NTAQ1: variants seen among roughly 807,000 people sequenced by gnomAD.
NTAQ1 encodes N-terminal glutamine amidase 1.
NTAQ1 carries 21 observed loss-of-function variants against 28.2 expected under a neutral mutation model. The ratio of observed to expected loss-of-function variants is 0.74; its 90% confidence interval spans 0.53 to 1.07. The LOEUF (loss-of-function observed/expected upper bound fraction) is 1.07, where lower values mean the gene tolerates loss of function less well. NTAQ1 is among the 50% of genes least tolerant of loss of function. NTAQ1 has a pLI of 0.00. For missense variants in NTAQ1, 264 were observed against 256.6 expected (o/e 1.03, Z -0.20); for synonymous variants, 105 against 90.0 (o/e 1.17, Z -0.94).
chr8:123,446,893 G>A (rs1010654359), downstream of NTAQ1, among the ~76,000 whole-genome samples: 5 of 152,142 alleles, frequency 3.3e-5, no homozygotes, highest in Non-Finnish European at 7.4e-5. Flanking sequence ...CTGGTTCCAT[G>A]TTGAAAGTAA....
At chr8:123,427,393 C>T (rs1403136613) in intron 1 of NTAQ1, among the ~76,000 whole-genome samples, 1 of 151,628 alleles carries the variant, frequency 6.6e-6, no homozygotes, top group Non-Finnish European at 1.5e-5. Flanking sequence ...GCCGGGATTA[C>T]AGGCACCCGC....
chr8:123,473,843 G>T (rs1348304366), downstream of NTAQ1, among the ~76,000 whole-genome samples: 2 of 151,986 alleles, frequency 1.3e-5, no homozygotes, highest in Non-Finnish European at 2.9e-5. Context: ...TAATTGTGAA[G>T]GTTAAAGGAA....
chr8:123,470,910 C>T (rs1816033949), downstream of NTAQ1, among the ~76,000 whole-genome samples: 1 of 150,346 alleles, frequency 6.7e-6, no homozygotes, highest in South Asian at 2.1e-4. Context: ...GTTTCTCCTT[C>T]CTTTTTTCTT....
intron 1 of NTAQ1, 90 bp from the exon 2 acceptor site, chr8:123,427,834 A>C: frequency 8.9e-7 from 1 of 1,119,500 alleles, no homozygotes; most frequent in Non-Finnish European, 1.3e-6. Flanking sequence ...GTCTTTTCCA[A>C]CTTTTTGATG....
At chr8:123,454,188 C>T (rs977820610) in intron 6 of NTAQ1, among the ~76,000 whole-genome samples, 11 of 152,198 alleles carry the variant, frequency 7.2e-5, no homozygotes, top group African/African-American at 2.7e-4. Flanking sequence ...GTTTAGTAAG[C>T]ATCCCAGTCA....
intron 6 of NTAQ1, chr8:123,447,904 A>G (rs1342701548): frequency 2.0e-5 from 3 of 152,242 alleles, no homozygotes; most frequent in Non-Finnish European, 4.4e-5. Context: ...CTGCTCTGCC[A>G]TGGACTACAT....
chr8:123,468,479 A>C (rs1344213411), exon 7 of NTAQ1, among the ~76,000 whole-genome samples: 4 of 152,300 alleles, frequency 2.6e-5, no homozygotes, highest in Non-Finnish European at 5.9e-5. Context: ...TATCTGCATT[A>C]TTTTACTTAG....
At chr8:123,456,602 G>A (rs557181781) in intron 6 of NTAQ1, among the ~76,000 whole-genome samples, 6 of 152,280 alleles carry the variant, frequency 3.9e-5, no homozygotes, top group Non-Finnish European at 2.9e-5. Flanking sequence ...CGAAGGCACC[G>A]TCAGGAGTTG....
intron 3 of NTAQ1, among the ~76,000 whole-genome samples, chr8:123,432,097 G>A (rs1317717832): frequency 6.6e-6 from 1 of 152,154 alleles, no homozygotes; most frequent in Non-Finnish European, 1.5e-5. Flanking sequence ...TCCTGTTGTA[G>A]GGCATGGGTA....
At chr8:123,437,939 G>A (rs1167067877) in intron 5 of NTAQ1, among the ~76,000 whole-genome samples, 1 of 152,130 alleles carries the variant, frequency 6.6e-6, no homozygotes, top group East Asian at 1.9e-4. Context: ...CAGGATACTC[G>A]CATGCTTGTG....
chr8:123,434,296 A>C (rs1271079254), intron 3 of NTAQ1, among the ~76,000 whole-genome samples: 1 of 152,094 alleles, frequency 6.6e-6, no homozygotes, highest in East Asian at 1.9e-4. Context: ...TCAGCAGCAC[A>C]GTCTTTCACA....
chr8:123,449,974 T>TATATATATATATATATAA (rs371673968), downstream of NTAQ1, among the ~76,000 whole-genome samples: 70 of 56,100 alleles, frequency 1.2e-3, 7 homozygotes, highest in African/African-American at 4.5e-3. Flanking sequence ...TATATATATA[T>TATATATATATATATATAA]GCTGGATAAA....
downstream of NTAQ1, among the ~76,000 whole-genome samples, chr8:123,448,411 G>A (rs374203378): frequency 1.3e-5 from 2 of 152,126 alleles, no homozygotes; most frequent in Non-Finnish European, 2.9e-5. Flanking sequence ...TCAGGAGTTC[G>A]AGACCAGCCT....
At chr8:123,433,216 C>T (rs1049089088) in intron 3 of NTAQ1, among the ~76,000 whole-genome samples, 5 of 152,174 alleles carry the variant, frequency 3.3e-5, no homozygotes, top group African/African-American at 1.2e-4. Context: ...TTGGGCCAAC[C>T]CTTTTCCTTT....
At chr8:123,472,838 C>A (rs915811341), downstream of NTAQ1, among the ~76,000 whole-genome samples, 4 of 152,184 alleles carry the variant, frequency 2.6e-5, no homozygotes, top group African/African-American at 9.7e-5. Flanking sequence ...TTGTCCAGAT[C>A]ACTGTTAAGT....
downstream of NTAQ1, among the ~76,000 whole-genome samples, chr8:123,451,793 G>A (rs987714848): frequency 1.3e-5 from 2 of 152,200 alleles, no homozygotes; most frequent in Admixed American, 6.5e-5. Context: ...TGTCACCAAA[G>A]GGGTCTGGAA....
In NTAQ1 at chr8:123,440,466, T is replaced by C. The variant is rs113343249; in HGVS notation, c.509-840T>C. On this transcript the variant is annotated intron_variant, in intron 5 of 5. Coordinates refer to ENST00000287387, the MANE Select transcript of NTAQ1 (RefSeq NM_018024.3). ...CCACCACGCCTGGCTGCTTTTCGTC[T>C]TTCTGAGTAAAGGTTGAGAGTAGCG... Among the ~76,000 whole-genome samples, 501 of 151,090 alleles carry C rather than the reference T, an allele frequency of 3.3e-3. 3 individuals are homozygous for C. Among genetic ancestry groups the C allele is most frequent in the African/African-American group, 0.012 (479 of 41,130 alleles).
chr8:123,424,089 T>G (rs1226681710), intron 1 of NTAQ1, among the ~76,000 whole-genome samples: 52 of 147,510 alleles, frequency 3.5e-4, no homozygotes, highest in African/African-American at 1.3e-3. Context: ...TTTTTTTTTT[T>G]TGAGATGAAG....
In NTAQ1 at chr8:123,438,232, T is replaced by G. The variant is rs766881811; in HGVS notation, c.508+898T>G. On this transcript the variant is annotated intron_variant, in intron 5 of 5. Transcript: ENST00000287387. ...ATTCATATGAGTTTGAAGTATTATT[T>G]ACGTTTGTAAGTAATTCACAACATT... is the stretch of plus-strand genomic sequence containing the variant. The G allele has an allele frequency of 1.0e-5, 7 of 700,184 alleles. No individual in the cohort carries two copies. The African/African-American group carries it at 1.2e-4, about 12-fold the overall frequency. 43.4% of individuals were successfully genotyped at this position (700,184 alleles called of 1,614,324 possible).
Sources: gnomAD v4.1 joint callset for allele counts (sites outside exome capture counted in the v4.1 genomes callset) on GRCh38, gnomAD v4.1.1 for gene constraint, MANE v1.5 for transcripts, NCBI Gene and HGNC (gene_info 2026-07-23, HGNC 2026-07-21) for gene names.